AKAP19: variants seen among roughly 807,000 people sequenced by gnomAD.
AKAP19 encodes the protein A-kinase anchoring protein 19, also known as small A-kinase anchoring protein.
the AKAP19 span, among the ~76,000 whole-genome samples, chr2:190,041,689 T>C: frequency 2.0e-5 from 3 of 152,166 alleles, no homozygotes; most frequent in African/African-American, 7.2e-5. Flanking sequence ...GGTATGTTCC[T>C]TCAATACCTA....
the AKAP19 span, among the ~76,000 whole-genome samples, chr2:189,948,614 T>C: frequency 6.6e-6 from 1 of 152,214 alleles, no homozygotes; most frequent in Non-Finnish European, 1.5e-5. Context: ...TGTTACTACA[T>C]TAAACTTATA....
At chr2:190,096,813 T>C in the AKAP19 span, among the ~76,000 whole-genome samples, 1 of 152,164 alleles carries the variant, frequency 6.6e-6, no homozygotes, top group African/African-American at 2.4e-5. Flanking sequence ...GTATAATATC[T>C]AGTGAGGGCC....
the AKAP19 span, among the ~76,000 whole-genome samples, chr2:190,020,460 A>G: frequency 6.6e-6 from 1 of 152,298 alleles, no homozygotes; most frequent in East Asian, 1.9e-4. Context: ...AGATATCAAG[A>G]TCAGGGTCCA....
chr2:190,081,776 GC>G, the AKAP19 span, among the ~76,000 whole-genome samples: 1 of 152,040 alleles, frequency 6.6e-6, no homozygotes, highest in Non-Finnish European at 1.5e-5. Flanking sequence ...ATTATATCCA[GC>G]CACCAAATCT....
chr2:189,985,942 C>T, the AKAP19 span, among the ~76,000 whole-genome samples: 2 of 151,644 alleles, frequency 1.3e-5, no homozygotes, highest in Non-Finnish European at 2.9e-5. Flanking sequence ...TGGGTGTCCT[C>T]AAAAAAAGAT....
the AKAP19 span, among the ~76,000 whole-genome samples, chr2:190,012,992 C>T: frequency 6.6e-6 from 1 of 152,020 alleles, no homozygotes; most frequent in East Asian, 1.9e-4. Flanking sequence ...TCTTAATGTG[C>T]TATTAAATTT....
the AKAP19 span, among the ~76,000 whole-genome samples, chr2:190,078,302 A>T: frequency 6.6e-6 from 1 of 152,104 alleles, no homozygotes; most frequent in African/African-American, 2.4e-5. Flanking sequence ...CCAGTGTCCA[A>T]TTTCTGAAAA....
chr2:190,016,247 A>T, the AKAP19 span, among the ~76,000 whole-genome samples: 1 of 152,190 alleles, frequency 6.6e-6, no homozygotes, highest in East Asian at 1.9e-4. Context: ...TTGTAAAGGG[A>T]AGAGGTTTAA....
At chr2:189,917,563 T>A in the AKAP19 span, 1 of 507,184 alleles carries the variant, frequency 2.0e-6, no homozygotes. Context: ...CTTTCTTTCT[T>A]ATTAAGGTCT....
the AKAP19 span, among the ~76,000 whole-genome samples, chr2:189,896,624 G>T: frequency 1.3e-5 from 2 of 152,094 alleles, no homozygotes; most frequent in Non-Finnish European, 2.9e-5. Context: ...ATGATATAAA[G>T]ATGCATTCTA....
chr2:190,008,729 T>TGC, the AKAP19 span, among the ~76,000 whole-genome samples: 4 of 101,844 alleles, frequency 3.9e-5, no homozygotes, highest in Non-Finnish European at 5.7e-5. Context: ...GATGTGCACG[T>TGC]GCACACACAC....
At chr2:190,063,048 A>T in the AKAP19 span, among the ~76,000 whole-genome samples, 2 of 152,170 alleles carry the variant, frequency 1.3e-5, no homozygotes, top group African/African-American at 4.8e-5. Context: ...TAAATAAGTC[A>T]ATTTTAATTT....
chr2:189,955,552 T>C, the AKAP19 span, among the ~76,000 whole-genome samples: 2 of 152,148 alleles, frequency 1.3e-5, no homozygotes, highest in African/African-American at 4.8e-5. Context: ...CTGTTTTCCA[T>C]AGAGGTTGTA....
the AKAP19 span, among the ~76,000 whole-genome samples, chr2:190,059,420 T>C: frequency 2.0e-5 from 3 of 151,936 alleles, no homozygotes; most frequent in Non-Finnish European, 4.4e-5. Flanking sequence ...ATAAGCTAGG[T>C]GGCAAAGGTT....
the AKAP19 span, among the ~76,000 whole-genome samples, chr2:190,055,229 C>CA: frequency 6.8e-6 from 1 of 146,944 alleles, no homozygotes; most frequent in Non-Finnish European, 1.5e-5. Context: ...ATCACAAGGA[C>CA]AAAAAAACCA....
At chr2:189,930,485 T>C in the AKAP19 span, 12 of 215,370 alleles carry the variant, frequency 5.6e-5, 1 homozygote, top group African/African-American at 2.8e-4. Flanking sequence ...GAGACCATCC[T>C]GGCCAACATA....
the AKAP19 span, among the ~76,000 whole-genome samples, chr2:190,077,518 A>G: frequency 2.7e-4 from 41 of 152,276 alleles, no homozygotes; most frequent in African/African-American, 9.6e-4. Context: ...TGGTCAGGCT[A>G]GTCTTGAACT....
chr2:189,982,731 T>C, the AKAP19 span, among the ~76,000 whole-genome samples: 1 of 152,050 alleles, frequency 6.6e-6, no homozygotes, highest in Non-Finnish European at 1.5e-5. Context: ...TTATGTTGTA[T>C]ATGATCATTC....
At chr2:189,914,701 C>A in the AKAP19 span, among the ~76,000 whole-genome samples, 150 of 151,910 alleles carry the variant, frequency 9.9e-4, no homozygotes, top group African/African-American at 3.6e-3. Flanking sequence ...GCTTGAGGAA[C>A]AGTTCTATTA....
Sources: allele counts gnomAD v4.1 joint callset (sites outside exome capture counted in the v4.1 genomes callset), GRCh38; gene constraint gnomAD v4.1.1; transcripts MANE v1.5; gene names NCBI Gene and HGNC (gene_info 2026-07-23, HGNC 2026-07-21).